The following UBR1 variants were observed in gnomAD, a reference collection of about 807,000 sequenced individuals.
The protein encoded by UBR1 is ubiquitin protein ligase E3 component n-recognin 1.
UBR1 carries 102 observed loss-of-function variants against 242.1 expected under a neutral mutation model. The observed-to-expected ratio is 0.42, with a 90% CI of 0.36 to 0.50. The LOEUF (loss-of-function observed/expected upper bound fraction) is 0.50. UBR1 is among the 20% of genes least tolerant of loss of function. The probability of loss-of-function intolerance (pLI) is 0.01; values close to 1 mark genes in which losing one functional copy is unlikely to be tolerated. For synonymous variants in UBR1, 675 were observed against 684.8 expected (o/e 0.99, Z 0.22); for missense variants, 1,772 against 2,101.8 (o/e 0.84, Z 3.07).
intron 29 of UBR1, among the ~76,000 whole-genome samples, chr15:43,007,536 C>T (rs1367017451): frequency 6.7e-6 from 1 of 149,464 alleles, no homozygotes; most frequent in Non-Finnish European, 1.5e-5. Flanking sequence ...TATAATTTTA[C>T]TTAATTTACT....
At chr15:42,961,259 C>T (rs1018282772) in intron 42 of UBR1, among the ~76,000 whole-genome samples, 1 of 151,476 alleles carries the variant, frequency 6.6e-6, no homozygotes. Context: ...ACTACAAGCA[C>T]ACACCACCAT....
intron 3 of UBR1, among the ~76,000 whole-genome samples, chr15:43,081,889 ACT>A (rs936522240): frequency 6.6e-6 from 1 of 152,054 alleles, no homozygotes; most frequent in African/African-American, 2.4e-5. Flanking sequence ...TTACTGTAAC[ACT>A]GTTTATCATT....
In UBR1 at chr15:43,027,758, T is replaced by A; in HGVS notation, c.2432+18A>T. 1 of 1,606,894 alleles carries A rather than the reference T, an allele frequency of 6.2e-7. No homozygotes were observed. Among genetic ancestry groups the A allele is most frequent in the Non-Finnish European group, 8.5e-7 (1 of 1,174,224 alleles). On this transcript the variant is annotated intron_variant, in intron 22 of 46. Coordinates refer to ENST00000290650, the MANE Select transcript of UBR1 (RefSeq NM_174916.3). Reference sequence around the variant, plus strand: ...ATCAAACTACCTTTTAGAATAAGCATAAATATTAAGCACTTACTTAAATGT... The same window carrying A: ...ATCAAACTACCTTTTAGAATAAGCAAAAATATTAAGCACTTACTTAAATGT...
rs546255679 is a variant in UBR1, at chr15:43,058,821, C to A, written c.1093+264G>T. ...GCACTACTACCTGAATATATAGATACATGTATAGACACATACATATATACT... is the reference window on the plus strand; with the variant it reads ...GCACTACTACCTGAATATATAGATAAATGTATAGACACATACATATATACT... On this transcript the variant is annotated intron_variant, in intron 9 of 46. Coordinates refer to ENST00000290650, the MANE Select transcript of UBR1 (RefSeq NM_174916.3). 4.3e-4 allele frequency among the ~76,000 whole-genome samples: 65 copies of A among 152,232 alleles called. 1 individual carries two copies. The South Asian group carries it at 0.013, about 32-fold the overall frequency.
chr15:43,073,933 T>C (rs921112951), intron 4 of UBR1, among the ~76,000 whole-genome samples: 5 of 152,246 alleles, frequency 3.3e-5, no homozygotes, highest in African/African-American at 4.8e-5. Context: ...GCTTTAGGGA[T>C]ATCCACAACA....
At chr15:43,074,949 T>C (rs2033869814) in intron 4 of UBR1, 30 bp downstream of exon 4, 2 of 1,523,924 alleles carry the variant, frequency 1.3e-6, no homozygotes, top group Non-Finnish European at 1.8e-6. Context: ...TTAAAATAGT[T>C]AACAATTTTT....
rs116037598 is a variant in UBR1, at chr15:43,060,229, A to G, written c.799-115T>C. 6.3e-4 allele frequency: 611 copies of G among 968,956 alleles called. 2 individuals carry two copies. In the East Asian group the frequency reaches 7.8e-3, roughly 12 times the overall value. 60.0% of individuals were successfully genotyped at this position (968,956 alleles called of 1,614,324 possible). A position where few individuals can be genotyped will look rare whatever the true frequency, so the allele number is the denominator to read the frequency against. On this transcript the variant is annotated intron_variant, in intron 6 of 46. Coordinates refer to ENST00000290650, the MANE Select transcript of UBR1 (RefSeq NM_174916.3). ...ACTGAGCTCTAATCGCGTGTTGACT[A>G]AAAGTTGTAAGATACCGGAACAATA...
intron 19 of UBR1, among the ~76,000 whole-genome samples, chr15:43,034,186 C>T (rs939515599): frequency 3.3e-5 from 5 of 151,022 alleles, no homozygotes; most frequent in Admixed American, 2.0e-4. Flanking sequence ...TGCAGTGAGC[C>T]GATTGTGCCA....
chr15:42,997,737 T>A (rs1317848049), intron 33 of UBR1, among the ~76,000 whole-genome samples: 1 of 152,156 alleles, frequency 6.6e-6, no homozygotes, highest in Non-Finnish European at 1.5e-5. Context: ...ACTTTACATA[T>A]AATAACTCTG....
At chr15:43,059,959 T>C in intron 7 of UBR1, 93 bp downstream of exon 7, 1 of 1,556,708 alleles carries the variant, frequency 6.4e-7, no homozygotes, top group Non-Finnish European at 8.9e-7. Flanking sequence ...CCAAACCACT[T>C]CAACGACATC....
chr15:43,050,693 C>T (rs1726734882), intron 12 of UBR1, among the ~76,000 whole-genome samples: 2 of 147,134 alleles, frequency 1.4e-5, no homozygotes, highest in Admixed American at 6.8e-5. Context: ...TACTGCATTC[C>T]AGCCTGGGCA....
At chr15:42,972,891 AG>A (rs2032229672) in intron 39 of UBR1, among the ~76,000 whole-genome samples, 1 of 152,184 alleles carries the variant, frequency 6.6e-6, no homozygotes. Flanking sequence ...TCATATGGTA[AG>A]AGTATATTTA....
chr15:43,068,976 A>G (rs923939718), intron 5 of UBR1, among the ~76,000 whole-genome samples: 27 of 152,348 alleles, frequency 1.8e-4, no homozygotes, highest in Admixed American at 5.2e-4. Context: ...AAGCAATGAT[A>G]AATAAACAGA....
intron 15 of UBR1, among the ~76,000 whole-genome samples, chr15:43,042,692 T>C (rs1260340728): frequency 6.6e-6 from 1 of 152,128 alleles, no homozygotes; most frequent in African/African-American, 2.4e-5. Context: ...CACTTAAAAA[T>C]GGCTAAAATG....
At chr15:43,080,721 G>A (rs1486236125) in intron 3 of UBR1, among the ~76,000 whole-genome samples, 3 of 152,152 alleles carry the variant, frequency 2.0e-5, no homozygotes, top group Non-Finnish European at 4.4e-5. Context: ...TTGGGAGGCC[G>A]AGGTGGGTGG....
chr15:42,984,376 C>G (rs1231364574), intron 36 of UBR1, among the ~76,000 whole-genome samples: 2 of 152,194 alleles, frequency 1.3e-5, no homozygotes, highest in Non-Finnish European at 2.9e-5. Context: ...TTTGTCTTCA[C>G]AGGGCTACTC....
intron 6 of UBR1, among the ~76,000 whole-genome samples, chr15:43,064,365 A>C (rs1404560605): frequency 1.3e-5 from 2 of 152,314 alleles, no homozygotes; most frequent in African/African-American, 4.8e-5. Flanking sequence ...TGGTTTGTTC[A>C]ATAAGAAATT....
At chr15:42,992,688 C>T (rs2032574521) in intron 33 of UBR1, among the ~76,000 whole-genome samples, 2 of 152,102 alleles carry the variant, frequency 1.3e-5, no homozygotes. Flanking sequence ...ATATGAGAGT[C>T]CCCTTCTATA....
chr15:42,960,741 C>T, intron 42 of UBR1, 40 bp from the exon 43 acceptor site: 1 of 1,586,408 alleles, frequency 6.3e-7, no homozygotes, highest in Non-Finnish European at 8.7e-7. Context: ...TGGATTATCA[C>T]AGCTTCAATG....
Sources: allele counts gnomAD v4.1 joint callset (sites outside exome capture counted in the v4.1 genomes callset), GRCh38; gene constraint gnomAD v4.1.1; transcripts MANE v1.5; gene names NCBI Gene and HGNC (gene_info 2026-07-23, HGNC 2026-07-21).